MED27: variants seen among roughly 807,000 people sequenced by gnomAD.
MED27 encodes the protein mediator complex subunit 27.
In MED27, 30 loss-of-function variants were observed where a neutral mutation model predicts 38.2. The observed-to-expected ratio is 0.79, with a 90% CI of 0.59 to 1.07. The LOEUF is 1.07. Among genes scored for constraint, MED27 ranks in the 50% least tolerant of loss-of-function variants. The probability of loss-of-function intolerance (pLI) is 0.00; values close to 1 mark genes in which losing one functional copy is unlikely to be tolerated. For missense variants in MED27, 289 were observed against 397.5 expected (o/e 0.73, Z 2.32); for synonymous variants, 122 against 153.5 (o/e 0.79, Z 1.52).
chr9:131,956,157 C>G (rs969727595), intron 3 of MED27, among the ~76,000 whole-genome samples: 1 of 152,004 alleles, frequency 6.6e-6, no homozygotes. Context: ...GGGGAAATTA[C>G]GCTAAGTCAG....
chr9:132,069,295 C>T (rs931523120), intron 2 of MED27, among the ~76,000 whole-genome samples: 3 of 151,736 alleles, frequency 2.0e-5, no homozygotes, highest in Non-Finnish European at 2.9e-5. Flanking sequence ...CTTCCAAAGA[C>T]AGTTCCTGCT....
intron 2 of MED27, among the ~76,000 whole-genome samples, chr9:132,060,108 A>G (rs1027957081): frequency 6.6e-6 from 1 of 152,198 alleles, no homozygotes; most frequent in African/African-American, 2.4e-5. Flanking sequence ...TCAAGGTAGA[A>G]AAACAGAAAC....
chr9:131,981,413 G>A (rs538836875), intron 3 of MED27, among the ~76,000 whole-genome samples: 52 of 152,288 alleles, frequency 3.4e-4, no homozygotes, highest in African/African-American at 1.3e-3. Flanking sequence ...ATCTCTGATC[G>A]TGAAGAAGTC....
intron 4 of MED27, among the ~76,000 whole-genome samples, chr9:131,902,880 C>T (rs1829978031): frequency 6.6e-6 from 1 of 152,210 alleles, no homozygotes; most frequent in African/African-American, 2.4e-5. Context: ...ATGGGAGCTA[C>T]AGTTCTGGAC....
rs2131462142 is a variant in MED27 at position 131,872,134 on chromosome 9, C to T, written c.724-8994G>A. On this transcript the variant is annotated intron_variant, in intron 6 of 7. Transcript: ENST00000292035. The surrounding 1 kb of genome is among the most constrained non-coding windows in gnomAD (Gnocchi z 5.6). ...GCCTTCCAGCTCCTGGCTGGTGGAC[C>T]AGGCTGGGGACCAGGACCCAGGAGT... 6.6e-6 allele frequency among the ~76,000 whole-genome samples: 1 copy of T among 152,276 alleles called. No individual in the cohort carries two copies. The highest frequency in any genetic ancestry group is 1.5e-5 in the Non-Finnish European group (1 of 68,028).
At chr9:132,011,102 A>T (rs1832477287) in intron 3 of MED27, among the ~76,000 whole-genome samples, 1 of 152,198 alleles carries the variant, frequency 6.6e-6, no homozygotes, top group African/African-American at 2.4e-5. Flanking sequence ...GCAAATTTGA[A>T]TAGTCCATAG....
chr9:131,985,442 G>A (rs1831828821), intron 3 of MED27, among the ~76,000 whole-genome samples: 1 of 152,128 alleles, frequency 6.6e-6, no homozygotes, highest in Non-Finnish European at 1.5e-5. Flanking sequence ...CAGTGTTTTG[G>A]TGAGACCGCA....
intron 2 of MED27, among the ~76,000 whole-genome samples, chr9:132,050,975 T>C (rs563301225): frequency 1.2e-4 from 18 of 152,198 alleles, no homozygotes; most frequent in Admixed American, 6.5e-5. Context: ...GATGGCCTTA[T>C]TCATGTTTCT....
intron 3 of MED27, among the ~76,000 whole-genome samples, chr9:132,010,797 C>T (rs549179361): frequency 6.6e-6 from 1 of 152,286 alleles, no homozygotes; most frequent in East Asian, 1.9e-4. Context: ...AAACCAAACA[C>T]CACATGTTGT....
At chr9:131,878,005 T>C (rs1391073864) in intron 6 of MED27, among the ~76,000 whole-genome samples, 1 of 152,132 alleles carries the variant, frequency 6.6e-6, no homozygotes, top group Non-Finnish European at 1.5e-5. Context: ...CCGGGCGCGG[T>C]GGCTCATGCC....
intron 3 of MED27, among the ~76,000 whole-genome samples, chr9:131,992,522 C>T (rs1481912509): frequency 6.6e-6 from 1 of 152,068 alleles, no homozygotes. Context: ...CTCAGGCTCC[C>T]GAGTAGCTGG....
At chr9:131,988,340 T>C (rs781436681) in intron 3 of MED27, among the ~76,000 whole-genome samples, 11 of 152,184 alleles carry the variant, frequency 7.2e-5, no homozygotes, top group Admixed American at 2.0e-4. Flanking sequence ...AAAGAAGCCA[T>C]TTATAGCTGA....
chr9:131,941,851 A>T (rs946300185), intron 3 of MED27, among the ~76,000 whole-genome samples: 6 of 60,744 alleles, frequency 9.9e-5, no homozygotes, highest in Admixed American at 4.8e-4. Flanking sequence ...TTTGAGACCG[A>T]GTCTCGCTCT....
At position 132,076,539 on chromosome 9, in the gene MED27, G is replaced by A. The variant is rs11507287; in HGVS notation, c.348+903C>T. ...TTAGCTCTTACTCAAGACCTAAGGG[G>A]AAAAAAAACCACAGAAACGAGGAAA... On this transcript the variant is annotated intron_variant, in intron 2 of 7. Coordinates refer to ENST00000292035, the MANE Select transcript of MED27 (RefSeq NM_004269.4). 4.1e-3 allele frequency among the ~76,000 whole-genome samples: 622 copies of A among 151,734 alleles called. 6 individuals carry two copies. The highest frequency in any genetic ancestry group is 3.5e-3 in the Admixed American group (53 of 15,244).
chr9:132,069,708 T>C (rs1833891777), intron 2 of MED27, among the ~76,000 whole-genome samples: 1 of 152,178 alleles, frequency 6.6e-6, no homozygotes, highest in Admixed American at 6.5e-5. Context: ...AGAAATGCAA[T>C]GATGACTCCA....
chr9:132,047,206 C>A (rs1833361011), intron 2 of MED27, among the ~76,000 whole-genome samples: 1 of 151,954 alleles, frequency 6.6e-6, no homozygotes, highest in African/African-American at 2.4e-5. Context: ...GAGAAAATAA[C>A]CACGTGGAAT....
At chr9:131,929,348 G>C (rs2131563336) in intron 4 of MED27, among the ~76,000 whole-genome samples, 1 of 152,288 alleles carries the variant, frequency 6.6e-6, no homozygotes, top group African/African-American at 2.4e-5. Context: ...AGAAGGAAAA[G>C]TAAAAGGGAC....
At chr9:132,074,206 A>T (rs1834000681) in intron 2 of MED27, among the ~76,000 whole-genome samples, 1 of 152,240 alleles carries the variant, frequency 6.6e-6, no homozygotes, top group South Asian at 2.1e-4. Context: ...AGTACAGGAA[A>T]AGTGCTGCTC....
intron 6 of MED27, among the ~76,000 whole-genome samples, chr9:131,871,838 T>C (rs771121120): frequency 5.3e-5 from 8 of 152,204 alleles, no homozygotes; most frequent in Non-Finnish European, 1.0e-4. Context: ...CTTGCACCTC[T>C]TTCCTATCTT....
Sources: gnomAD v4.1 joint callset for allele counts (sites outside exome capture counted in the v4.1 genomes callset) on GRCh38, gnomAD v4.1.1 for gene constraint, Gnocchi (gnomAD v3.1) non-coding constraint, MANE v1.5 for transcripts, NCBI Gene and HGNC (gene_info 2026-07-23, HGNC 2026-07-21) for gene names.